WDR86: variants seen among roughly 807,000 people sequenced by gnomAD.
WDR86 encodes WD repeat domain 86, also known as WD repeat-containing protein 86.
WDR86 carries 30 observed loss-of-function variants against 36.5 expected under a neutral mutation model. The ratio of observed to expected loss-of-function variants is 0.82; its 90% CI spans 0.61 to 1.11. The LOEUF is 1.11. Ranked by LOEUF, WDR86 falls within the 50% of genes most tolerant of loss-of-function variation. WDR86 has a pLI of 0.00. For missense variants in WDR86, 545 were observed against 561.2 expected (o/e 0.97, Z 0.29); for synonymous variants, 255 against 252.9 (o/e 1.01, Z -0.08).
chr7:151,374,154 A>G (rs1798093613), downstream of WDR86: 3 of 1,577,056 alleles, frequency 1.9e-6, no homozygotes, highest in Non-Finnish European at 1.7e-6. Flanking sequence ...CCTCGAGAAC[A>G]TCAGGTTTCT....
At position 151,381,597 on chromosome 7, in the gene WDR86, G is replaced by C. The variant is rs1366700385; in HGVS notation, c.1116C>G (p.Pro372=). ...CCCCGCGGGATCAGGCCGGCTGCAG[G>C]GGCGCGGCGGCGCAGCCCACCTTGT... ...FSNKVGCAAA[P]LQPA The change falls in exon 6 of 6, where the codon CCC becomes CCG. Residue 372 remains proline, a synonymous_variant. Coordinates refer to ENST00000334493, the MANE Select transcript of WDR86 (RefSeq NM_198285.3). This position sits in a 1 kb window ranked among gnomAD's most constrained non-coding sequence, Gnocchi z 4.8. The C allele has an allele frequency of 1.5e-6, 2 of 1,370,504 alleles. No individual in the cohort carries two copies. The highest frequency in any genetic ancestry group is 1.9e-6 in the Non-Finnish European group (2 of 1,071,740). The allele number at this position is 1,370,504 out of a possible 1,614,324, so 84.9% of individuals were successfully genotyped here.
Position 151,409,928 on chromosome 7 carries a change from T to C in WDR86, c.-339A>G, listed in dbSNP as rs1801089985. 8 of 1,071,782 alleles carry C rather than the reference T, an allele frequency of 7.5e-6. No individual in the cohort carries two copies. The South Asian group carries it at 2.2e-4, about 30-fold the overall frequency. 66.4% of individuals were successfully genotyped at this position (1,071,782 alleles called of 1,614,324 possible). A position where few individuals can be genotyped will look rare whatever the true frequency, so the allele number is the denominator to read the frequency against. On this transcript the variant is annotated 5_prime_UTR_variant, in exon 1 of 6. Coordinates refer to ENST00000334493, the MANE Select transcript of WDR86 (RefSeq NM_198285.3). The surrounding 1 kb of genome is among the most constrained non-coding windows in gnomAD (Gnocchi z 5.2). ...GCGAACAAGGCAGCTGCGTCTCTGG[T>C]GCACAAGGAGCCCCCCGCCTCCTCT...
downstream of WDR86, among the ~76,000 whole-genome samples, chr7:151,374,894 G>C (rs1262183972): frequency 1.3e-5 from 2 of 152,180 alleles, no homozygotes; most frequent in African/African-American, 4.8e-5. Flanking sequence ...GAGGGGTCCC[G>C]AGGGGGTGCA....
chr7:151,371,944 G>A (rs1797979081), downstream of WDR86, among the ~76,000 whole-genome samples: 1 of 152,166 alleles, frequency 6.6e-6, no homozygotes, highest in Non-Finnish European at 1.5e-5. Flanking sequence ...CTGGGTTCAA[G>A]CAGTCCTCCC....
chr7:151,375,512 G>GATCA (rs1455691368), downstream of WDR86, among the ~76,000 whole-genome samples: 2 of 152,208 alleles, frequency 1.3e-5, no homozygotes, highest in Admixed American at 1.3e-4. Flanking sequence ...CGCTTTCAAA[G>GATCA]ATCAATCAGG....
Position 151,387,639 on chromosome 7 carries a change from C to T in WDR86, c.727-2416G>A, listed in dbSNP as rs1008339628. On this transcript the variant is annotated intron_variant, in intron 3 of 5. Coordinates refer to ENST00000334493, the MANE Select transcript of WDR86 (RefSeq NM_198285.3). ...GAGAGGCACCGGCCCGGGGCTCCGC[C>T]GCTGAGGGCACAGATGCGGGCCTCC... Among the ~76,000 whole-genome samples, 4 of 152,206 alleles carry T rather than the reference C, an allele frequency of 2.6e-5. No individual in the cohort carries two copies. The East Asian group carries it at 5.8e-4, about 22-fold the overall frequency.
At chr7:151,397,805 A>ATAGCGGGAGGAAGAGGGTG (rs199959452) in intron 2 of WDR86, among the ~76,000 whole-genome samples, 14 of 41,894 alleles carry the variant, frequency 3.3e-4, no homozygotes, top group African/African-American at 8.4e-4. Flanking sequence ...GAGGAAGGGC[A>ATAGCGGGAGGAAGAGGGTG]TAGCGGGAGG....
chr7:151,381,790 G>T lies in WDR86; in HGVS notation c.967-44C>A, dbSNP rs1381245998. 1 of 1,504,456 alleles carries T rather than the reference G, an allele frequency of 6.6e-7. No individual in the cohort carries two copies. Among genetic ancestry groups the T allele is most frequent in the Non-Finnish European group, 8.9e-7 (1 of 1,123,584 alleles). 93.2% of individuals were successfully genotyped at this position (1,504,456 alleles called of 1,614,324 possible). A position where few individuals can be genotyped will look rare whatever the true frequency, so the allele number is the denominator to read the frequency against. ...GCGTCACCGGTGACGCGGTAGGCGG[G>T]GGGGACACCGCTGCCCGCGTGGATG... On this transcript the variant is annotated intron_variant, in intron 5 of 5. Coordinates refer to ENST00000334493, the MANE Select transcript of WDR86 (RefSeq NM_198285.3). This position sits in a 1 kb window ranked among gnomAD's most constrained non-coding sequence, Gnocchi z 4.8.
At chr7:151,400,662 C>T (rs759466115) in intron 1 of WDR86, among the ~76,000 whole-genome samples, 1 of 152,214 alleles carries the variant, frequency 6.6e-6, no homozygotes, top group African/African-American at 2.4e-5. Context: ...GAATTACAGG[C>T]GTGAGCCACT....
chr7:151,376,204 G>T, downstream of WDR86: 1 of 489,348 alleles, frequency 2.0e-6, no homozygotes, highest in South Asian at 2.2e-5. Context: ...ACCACTGTTT[G>T]CATCAGCCTC....
chr7:151,376,031 G>C, exon 2 of WDR86: 1 of 839,248 alleles, frequency 1.2e-6, no homozygotes, highest in East Asian at 2.5e-5. Flanking sequence ...AGCAGGACTG[G>C]GGGAGTCCGT....
At chr7:151,391,999 C>T (rs1273456798) in intron 3 of WDR86, among the ~76,000 whole-genome samples, 1 of 152,200 alleles carries the variant, frequency 6.6e-6, no homozygotes, top group Non-Finnish European at 1.5e-5. Context: ...CCCAAACCAT[C>T]AGACGTTTGG....
chr7:151,387,657 G>C (rs1216638918), intron 3 of WDR86, among the ~76,000 whole-genome samples: 2 of 152,074 alleles, frequency 1.3e-5, no homozygotes, highest in Non-Finnish European at 2.9e-5. Context: ...GCACAGATGC[G>C]GGCCTCCACC....
chr7:151,410,001 C>T lies in WDR86; in HGVS notation c.-412G>A. On this transcript the variant is annotated 5_prime_UTR_variant, in exon 1 of 6. Coordinates refer to ENST00000334493, the MANE Select transcript of WDR86 (RefSeq NM_198285.3). ...GGAGAGGAACACGGGAAGCCGAGCG[C>T]CCCGCGCCCTCCCCGGCCGAGCGCG... 1.1e-5 allele frequency: 11 copies of T among 1,000,550 alleles called. No homozygotes were observed. Among genetic ancestry groups the T allele is most frequent in the Non-Finnish European group, 1.3e-5 (11 of 840,388 alleles). The allele number at this position is 1,000,550 out of a possible 1,614,324, so 62.0% of individuals were successfully genotyped here.
In WDR86 at chr7:151,390,159, C is replaced by T. The variant is rs969297474; in HGVS notation, c.727-4936G>A. ...AAGGGACAGTCAGAGCTCGGGGAGA[C>T]GGAGCACTCGCAGGGCCAGGGCTGC... On this transcript the variant is annotated intron_variant, in intron 3 of 5. Transcript: ENST00000334493. This position sits in a 1 kb window ranked among gnomAD's most constrained non-coding sequence, Gnocchi z 4.5. 1.3e-5 allele frequency among the ~76,000 whole-genome samples: 2 copies of T among 152,138 alleles called. No individual in the cohort carries two copies. Among genetic ancestry groups the T allele is most frequent in the Non-Finnish European group, 2.9e-5 (2 of 68,012 alleles).
intron 4 of WDR86, among the ~76,000 whole-genome samples, chr7:151,383,739 G>A (rs1410932846): frequency 6.6e-6 from 1 of 152,228 alleles, no homozygotes; most frequent in Non-Finnish European, 1.5e-5. Flanking sequence ...GACATGGCCT[G>A]GAAAACCCAG....
At chr7:151,400,018 A>G in intron 2 of WDR86, 82 bp downstream of exon 2, 1 of 1,317,532 alleles carries the variant, frequency 7.6e-7, no homozygotes, top group Non-Finnish European at 1.0e-6. Flanking sequence ...CCTCACGTGC[A>G]GGGGCCCATA....
At position 151,385,293 on chromosome 7, in the gene WDR86, A is replaced by T. The variant is rs1005679022; in HGVS notation, c.727-70T>A. Reference sequence around the variant, plus strand: ...AGCCCCCCAGACCTCTCCCTCTATAAGGGGGGAAGGGGCATGTGCAGGTCT... The same window carrying T: ...AGCCCCCCAGACCTCTCCCTCTATATGGGGGGAAGGGGCATGTGCAGGTCT... On this transcript the variant is annotated intron_variant, in intron 3 of 5. Coordinates refer to ENST00000334493, the MANE Select transcript of WDR86 (RefSeq NM_198285.3). 6 of 1,590,258 alleles carry T rather than the reference A, an allele frequency of 3.8e-6. No homozygotes were observed. In the African/African-American group the frequency reaches 8.0e-5, roughly 21 times the overall value.
chr7:151,378,803 C>G (rs1798431280), downstream of WDR86, among the ~76,000 whole-genome samples: 1 of 152,246 alleles, frequency 6.6e-6, no homozygotes, highest in Non-Finnish European at 1.5e-5. Flanking sequence ...CTGTCCTGCG[C>G]TTGGTTCAGG....
Sources: allele counts gnomAD v4.1 joint callset (sites outside exome capture counted in the v4.1 genomes callset), GRCh38; gene constraint gnomAD v4.1.1; non-coding constraint Gnocchi (gnomAD v3.1); transcripts MANE v1.5; gene names NCBI Gene and HGNC (gene_info 2026-07-23, HGNC 2026-07-21).